Variants in FAR2 observed in about 807,000 individuals in gnomAD.
The protein encoded by FAR2 is fatty acyl-CoA reductase 2.
FAR2 carries 19 observed loss-of-function variants against 56.0 expected under a neutral mutation model. The ratio of observed to expected loss-of-function variants is 0.34; its 90% CI spans 0.24 to 0.50. FAR2 has a LOEUF of 0.50. FAR2 is among the 20% of genes least tolerant of loss of function. The pLI is 0.98. For missense variants in FAR2, 508 were observed against 642.2 expected (o/e 0.79, Z 2.26); for synonymous variants, 219 against 218.8 (o/e 1.00, Z -0.01).
intron 9 of FAR2, among the ~76,000 whole-genome samples, chr12:29,321,271 A>G (rs1436150537): frequency 6.6e-6 from 1 of 152,150 alleles, no homozygotes. Context: ...CATGCCTGCA[A>G]TCCCAACACT....
At chr12:29,223,535 G>A (rs1315815970) in intron 1 of FAR2, 2 of 152,228 alleles carry the variant, frequency 1.3e-5, no homozygotes, top group African/African-American at 4.8e-5. Flanking sequence ...GATCACCATA[G>A]AGATAACCAA....
chr12:29,180,269 A>G (rs1259581844), intron 1 of FAR2, among the ~76,000 whole-genome samples: 2 of 152,232 alleles, frequency 1.3e-5, no homozygotes, highest in Non-Finnish European at 2.9e-5. Flanking sequence ...AAACAAAGCA[A>G]GATATCACTT....
At chr12:29,202,078 G>A (rs1947423465) in intron 1 of FAR2, among the ~76,000 whole-genome samples, 1 of 152,000 alleles carries the variant, frequency 6.6e-6, no homozygotes, top group African/African-American at 2.4e-5. Context: ...TTAACTTTCA[G>A]TCAGCATCTT....
At position 29,247,854 on chromosome 12, in the gene FAR2, G is replaced by A. The variant is rs546150585; in HGVS notation, c.-38-22558G>A. Among the ~76,000 whole-genome samples, 146 of 152,264 alleles carry A rather than the reference G, an allele frequency of 9.6e-4. 3 individuals carry two copies. The South Asian group carries it at 0.012, about 12-fold the overall frequency. On this transcript the variant is annotated intron_variant, in intron 1 of 11. Transcript: ENST00000536681. ...TAGTAGTACAATAAGTTTATTAATC[G>A]TTGGTATGCTATTCTATTATCTGTG...
At chr12:29,292,878 T>C (rs886359037) in intron 2 of FAR2, among the ~76,000 whole-genome samples, 1 of 152,192 alleles carries the variant, frequency 6.6e-6, no homozygotes, top group African/African-American at 2.4e-5. Context: ...ATAAGGTTGA[T>C]AAAGTGTCCT....
At chr12:29,333,549 CCAGGAAAACA>C in intron 11 of FAR2, 73 bp from the exon 12 acceptor site, 1 of 1,299,796 alleles carries the variant, frequency 7.7e-7, no homozygotes. Context: ...CCAGTCATAT[CCAGGAAAACA>C]CATATTTATC....
chr12:29,202,467 T>C lies in FAR2; in HGVS notation c.-39+53060T>C, dbSNP rs186272237. On this transcript the variant is annotated intron_variant, in intron 1 of 11. Coordinates refer to ENST00000536681, the MANE Select transcript of FAR2 (RefSeq NM_001271783.2). ...AACTTTTAAGAACGTACTGATAGAG[T>C]CATTTATTTCCTTGCTATTAAAAAA... Among the ~76,000 whole-genome samples, 221 of 152,198 alleles carry C rather than the reference T, an allele frequency of 1.5e-3. 1 individual carries two copies. The South Asian group carries it at 0.021, about 15-fold the overall frequency.
intron 1 of FAR2, among the ~76,000 whole-genome samples, chr12:29,180,623 C>T (rs1949982824): frequency 6.6e-6 from 1 of 152,072 alleles, no homozygotes; most frequent in East Asian, 1.9e-4. Context: ...CTTTTAGGCC[C>T]CAAGGATGAC....
At chr12:29,250,937 A>C (rs1213570457) in intron 1 of FAR2, among the ~76,000 whole-genome samples, 1 of 152,150 alleles carries the variant, frequency 6.6e-6, no homozygotes, top group Non-Finnish European at 1.5e-5. Context: ...CAATGGGAGT[A>C]ATTGGATCCT....
intron 6 of FAR2, among the ~76,000 whole-genome samples, chr12:29,310,092 C>T (rs1211866597): frequency 6.6e-6 from 1 of 152,178 alleles, no homozygotes; most frequent in Non-Finnish European, 1.5e-5. Flanking sequence ...TCTAGCAGCC[C>T]CTTTCTTTCT....
At position 29,280,128 on chromosome 12, in the gene FAR2, T is replaced by C. The variant is rs181979281; in HGVS notation, c.189+9490T>C. Reference sequence around the variant, plus strand: ...CTGATAGAGATGGGGTTTCACCATGTTGGCCAGGCTTGTCTCAAACTCCTG... The same window carrying C: ...CTGATAGAGATGGGGTTTCACCATGCTGGCCAGGCTTGTCTCAAACTCCTG... On this transcript the variant is annotated intron_variant, in intron 2 of 11. Transcript: ENST00000536681. 4.2e-4 allele frequency among the ~76,000 whole-genome samples: 64 copies of C among 152,258 alleles called. No homozygotes were observed. The East Asian group carries it at 7.7e-3, about 18-fold the overall frequency.
intron 10 of FAR2, among the ~76,000 whole-genome samples, chr12:29,329,448 G>A (rs1168453743): frequency 6.6e-6 from 1 of 152,114 alleles, no homozygotes; most frequent in Non-Finnish European, 1.5e-5. Context: ...AAATATCTTA[G>A]CAAAAGTAAT....
At chr12:29,281,785 A>G (rs908251681) in intron 2 of FAR2, among the ~76,000 whole-genome samples, 14 of 152,242 alleles carry the variant, frequency 9.2e-5, no homozygotes, top group Admixed American at 5.9e-4. Context: ...TGTTCATTCA[A>G]TAAGTGTTGG....
At chr12:29,306,689 TAGAG>T (rs1269260468) in intron 4 of FAR2, among the ~76,000 whole-genome samples, 1 of 152,198 alleles carries the variant, frequency 6.6e-6, no homozygotes, top group East Asian at 1.9e-4. Flanking sequence ...GTTGCTTTCT[TAGAG>T]AGGTGTAGAT....
chr12:29,282,960 A>C (rs1258700701), intron 2 of FAR2, among the ~76,000 whole-genome samples: 1 of 152,022 alleles, frequency 6.6e-6, no homozygotes, highest in Non-Finnish European at 1.5e-5. Flanking sequence ...GGGGGAAAGT[A>C]TATGAATTAA....
At chr12:29,268,804 G>C (rs865788016) in intron 1 of FAR2, among the ~76,000 whole-genome samples, 3 of 152,076 alleles carry the variant, frequency 2.0e-5, no homozygotes, top group Non-Finnish European at 4.4e-5. Flanking sequence ...TTTAAAGCTG[G>C]GCATCCGGGG....
chr12:29,223,849 A>T (rs191589209), intron 1 of FAR2: 2 of 152,334 alleles, frequency 1.3e-5, no homozygotes, highest in East Asian at 3.9e-4. Context: ...CTCAGCTCGT[A>T]TTCTGGTCAT....
At chr12:29,311,975 T>A (rs1362084746) in intron 8 of FAR2, 25 bp downstream of exon 8, 2 of 1,535,812 alleles carry the variant, frequency 1.3e-6, no homozygotes, top group Non-Finnish European at 1.8e-6. Context: ...TATGTAACTC[T>A]ATAATTACTA....
chr12:29,224,943 G>A (rs1947740818), intron 1 of FAR2, among the ~76,000 whole-genome samples: 1 of 152,176 alleles, frequency 6.6e-6, no homozygotes, highest in South Asian at 2.1e-4. Flanking sequence ...TTAGAGCCGA[G>A]TGTAGTGACT....
Sources: allele counts gnomAD v4.1 joint callset (sites outside exome capture counted in the v4.1 genomes callset), GRCh38; gene constraint gnomAD v4.1.1; transcripts MANE v1.5; gene names NCBI Gene and HGNC (gene_info 2026-07-23, HGNC 2026-07-21).